The following ZNF423 variants were observed in gnomAD, a reference collection of about 807,000 sequenced individuals.
ZNF423 encodes Ebf-associated zinc finger protein.
A neutral mutation model predicts 95.8 loss-of-function variants in ZNF423; 12 were observed. That is an observed-to-expected ratio of 0.13 (90% CI 0.08 to 0.20). ZNF423 has a LOEUF of 0.20. ZNF423 is among the 10% of genes least tolerant of loss of function. The pLI is 1.00. For missense variants in ZNF423, 1,316 were observed against 1,737.1 expected, an observed-to-expected ratio of 0.76 and a Z score of 4.31; for synonymous variants, 749 against 711.9, an observed-to-expected ratio of 1.05 and a Z score of -0.83.
intron 5 of ZNF423, among the ~76,000 whole-genome samples, chr16:49,602,946 C>G (rs1971423968): frequency 6.6e-6 from 1 of 152,230 alleles, no homozygotes; most frequent in African/African-American, 2.4e-5. Context: ...GGCGGGCGAT[C>G]AGCACCGAGG....
intron 2 of ZNF423, among the ~76,000 whole-genome samples, chr16:49,755,427 T>C (rs575073013): frequency 3.9e-5 from 6 of 152,334 alleles, no homozygotes; most frequent in South Asian, 4.2e-4. Flanking sequence ...GGAAAGTTCA[T>C]TTCTGCTCTC....
intron 1 of ZNF423, among the ~76,000 whole-genome samples, chr16:49,829,689 G>C (rs1307880285): frequency 6.6e-6 from 1 of 152,056 alleles, no homozygotes; most frequent in Non-Finnish European, 1.5e-5. Flanking sequence ...TCACAGAAGT[G>C]GCCCTTGGAG....
chr16:49,531,388 C>G (rs1239694921), intron 5 of ZNF423, among the ~76,000 whole-genome samples: 1 of 151,842 alleles, frequency 6.6e-6, no homozygotes, highest in Non-Finnish European at 1.5e-5. Context: ...AGCAAAGGCC[C>G]CAGCACTCAT....
chr16:49,551,808 G>C (rs969538537), intron 5 of ZNF423, among the ~76,000 whole-genome samples: 69 of 152,216 alleles, frequency 4.5e-4, no homozygotes, highest in African/African-American at 1.6e-3. Flanking sequence ...CTGTGGCTGG[G>C]ACAAGTGGAA....
At chr16:49,615,130 T>TCA (rs61428028) in intron 5 of ZNF423, among the ~76,000 whole-genome samples, 53,839 of 141,008 alleles carry the variant, frequency 0.38, 11,713 homozygotes, top group Middle Eastern at 0.58. Flanking sequence ...AAACTCCATC[T>TCA]CACACACACA....
chr16:49,659,645 C>G (rs2030094710), intron 3 of ZNF423, among the ~76,000 whole-genome samples: 1 of 152,226 alleles, frequency 6.6e-6, no homozygotes, highest in Non-Finnish European at 1.5e-5. Context: ...GCCGGGTGGA[C>G]AGTGTAATGC....
intron 5 of ZNF423, among the ~76,000 whole-genome samples, chr16:49,588,516 G>A (rs2042894530): frequency 6.6e-6 from 1 of 152,170 alleles, no homozygotes; most frequent in South Asian, 2.1e-4. Context: ...GGCTTCATGA[G>A]CAGGTTAAAT....
At chr16:49,788,461 A>G (rs1420828516) in intron 2 of ZNF423, among the ~76,000 whole-genome samples, 1 of 152,372 alleles carries the variant, frequency 6.6e-6, no homozygotes, top group South Asian at 2.1e-4. Flanking sequence ...AATACCACAC[A>G]TTAGACACAT....
At position 49,789,526 on chromosome 16, in the gene ZNF423, C is replaced by G. The variant is rs369012195; in HGVS notation, c.61G>C (p.Asp21His). Residue 21 changes from aspartate to histidine, a missense_variant, in exon 2 of 8, where the codon GAC becomes CAC. Asp to His is a moderately conservative substitution (Grantham distance 81). Around this residue, in one of 6 missense-constraint regions of ZNF423, gnomAD observed 155 missense variants for 170.8 expected, o/e 0.91. Coordinates refer to ENST00000563137, the MANE Select transcript of ZNF423 (RefSeq NM_001379286.1). ...GAGGAATCCCAGGCCAGCGAGAAGT[C>G]TGAGGCCTCCCCCTCTTCAACTGAA... is the stretch of plus-strand genomic sequence containing the variant. ...SVKVEEGEAS[D>H]FSLAWDSSVT... 3 of 1,612,482 alleles carry G rather than the reference C, an allele frequency of 1.9e-6. No homozygotes were observed. Among genetic ancestry groups the G allele is most frequent in the Non-Finnish European group, 2.5e-6 (3 of 1,179,584 alleles).
intron 1 of ZNF423, among the ~76,000 whole-genome samples, chr16:49,829,569 C>T (rs1035849784): frequency 1.3e-5 from 2 of 152,316 alleles, no homozygotes; most frequent in South Asian, 2.1e-4. Context: ...CTGGCTTCAG[C>T]GGGCACCTAC....
chr16:49,512,238 C>G (rs1027199001), intron 7 of ZNF423, among the ~76,000 whole-genome samples: 1 of 152,156 alleles, frequency 6.6e-6, no homozygotes, highest in Non-Finnish European at 1.5e-5. Flanking sequence ...AGATTGAGCA[C>G]GTCCACACAT....
intron 1 of ZNF423, among the ~76,000 whole-genome samples, chr16:49,820,026 G>GTGGATGGA (rs111486773): frequency 2.3e-3 from 347 of 150,588 alleles, no homozygotes; most frequent in East Asian, 8.4e-3. Flanking sequence ...TGTTGAATAG[G>GTGGATGGA]TGGATGGATG....
Position 49,651,718 on chromosome 16 carries a change from T to C in ZNF423, c.302-12844A>G, listed in dbSNP as rs191721446. 2.9e-3 allele frequency among the ~76,000 whole-genome samples: 442 copies of C among 152,326 alleles called. 1 individual carries two copies. Among genetic ancestry groups the C allele is most frequent in the Admixed American group, 6.4e-3 (98 of 15,302 alleles). On this transcript the variant is annotated intron_variant, in intron 3 of 7. Transcript: ENST00000563137. ...AAATCAGTGAATATCTGTAAGGCGT[T>C]ATATATGACAAATGTTCTATAATGC...
chr16:49,678,797 C>T (rs894169310), intron 3 of ZNF423, among the ~76,000 whole-genome samples: 8 of 152,238 alleles, frequency 5.3e-5, no homozygotes, highest in African/African-American at 1.9e-4. Context: ...GGTGCCACAG[C>T]ACACAGTTTG....
intron 3 of ZNF423, among the ~76,000 whole-genome samples, chr16:49,673,757 T>G (rs2030924781): frequency 6.6e-6 from 1 of 152,218 alleles, no homozygotes; most frequent in African/African-American, 2.4e-5. Flanking sequence ...GGTCATCCAT[T>G]CAGTCTACCC....
chr16:49,491,248 C>A lies in ZNF423; in HGVS notation c.*27G>T, dbSNP rs202192192. Reference sequence around the variant, plus strand: ...CACGGCGTCTCCGGCAAGCCTTCTGCGGAGAGGTGTCCTGTTGAGCGATCC... The same window carrying A: ...CACGGCGTCTCCGGCAAGCCTTCTGAGGAGAGGTGTCCTGTTGAGCGATCC... On this transcript the variant is annotated 3_prime_UTR_variant, in exon 8 of 8. Transcript: ENST00000563137. 1 of 1,614,018 alleles carries A rather than the reference C, an allele frequency of 6.2e-7. No homozygotes were observed. The highest frequency in any genetic ancestry group is 8.5e-7 in the Non-Finnish European group (1 of 1,179,986).
chr16:49,557,740 C>T lies in ZNF423; in HGVS notation c.3602-32246G>A, dbSNP rs145180225. 5.2e-3 allele frequency among the ~76,000 whole-genome samples: 786 copies of T among 152,282 alleles called. 4 individuals carry two copies. Among genetic ancestry groups the T allele is most frequent in the Non-Finnish European group, 8.9e-3 (606 of 68,006 alleles). ...AGAAACTCATCTCCCATGAAGGCCTCAAGGATGGTAGAAGGCCTCCTCCCA... is the reference window on the plus strand; with the variant it reads ...AGAAACTCATCTCCCATGAAGGCCTTAAGGATGGTAGAAGGCCTCCTCCCA... On this transcript the variant is annotated intron_variant, in intron 5 of 7. Transcript: ENST00000563137.
intron 2 of ZNF423, among the ~76,000 whole-genome samples, chr16:49,783,550 A>T (rs910026379): frequency 8.9e-6 from 1 of 111,908 alleles, no homozygotes; most frequent in Non-Finnish European, 1.7e-5. Context: ...TAGGTTTAGT[A>T]GCAGGCTGAA....
intron 7 of ZNF423, chr16:49,518,564 C>T: frequency 2.3e-6 from 1 of 428,632 alleles, no homozygotes; most frequent in East Asian, 7.1e-5. Context: ...ATCAGTTACA[C>T]AAAACTCAGA....
Sources: gnomAD v4.1 joint callset for allele counts (sites outside exome capture counted in the v4.1 genomes callset) on GRCh38, gnomAD v4.1.1 for gene constraint, gnomAD v4.1.1 regional missense constraint, MANE v1.5 for transcripts, NCBI Gene and HGNC (gene_info 2026-07-23, HGNC 2026-07-21) for gene names.